The following EPHA3 variants were observed in gnomAD, a reference collection of about 807,000 sequenced individuals.
The protein encoded by EPHA3 is ephrin type-A receptor 3.
Under a neutral mutation model 107.1 loss-of-function variants are expected in EPHA3, and 42 were observed. The observed-to-expected ratio is 0.39, with a 90% CI of 0.31 to 0.51. The LOEUF (loss-of-function observed/expected upper bound fraction) is 0.51. Ranked by LOEUF, EPHA3 falls within the 20% of genes least tolerant of loss-of-function variation. The pLI, the probability that EPHA3 is intolerant of heterozygous loss-of-function variation, is 0.78. For missense variants in EPHA3, 1,183 were observed against 1,211.2 expected (o/e 0.98, Z 0.35); for synonymous variants, 461 against 424.8 (o/e 1.09, Z -1.05).
intron 2 of EPHA3, among the ~76,000 whole-genome samples, chr3:89,171,530 T>C (rs1464269760): frequency 6.6e-6 from 1 of 152,194 alleles, no homozygotes; most frequent in African/African-American, 2.4e-5. Flanking sequence ...TTTTACAAAC[T>C]CTTCTCACAT....
chr3:89,203,491 C>T (rs887312549), intron 2 of EPHA3, among the ~76,000 whole-genome samples: 1 of 151,808 alleles, frequency 6.6e-6, no homozygotes, highest in Admixed American at 6.6e-5. Context: ...CTTAAAGCTC[C>T]GGCTGGGCGC....
chr3:89,331,172 T>A (rs2107398019), intron 3 of EPHA3, among the ~76,000 whole-genome samples: 1 of 152,306 alleles, frequency 6.6e-6, no homozygotes, highest in South Asian at 2.1e-4. Context: ...CACCCAAACC[T>A]CAAATTATAC....
intron 5 of EPHA3, among the ~76,000 whole-genome samples, chr3:89,350,350 A>T (rs527775628): frequency 1.5e-4 from 21 of 144,198 alleles, no homozygotes; most frequent in African/African-American, 5.3e-4. Flanking sequence ...TTCCCTTCTC[A>T]CTTCATTTCA....
chr3:89,399,335 T>G lies in EPHA3; in HGVS notation c.1449T>G (p.Ser483Arg), dbSNP rs2107508017. Residue 483 changes from serine to arginine, a missense_variant, in exon 7 of 17, where the codon AGT (serine) becomes AGG (arginine). By Grantham distance (110) the Ser-to-Arg change is moderately radical. Coordinates refer to ENST00000336596, the MANE Select transcript of EPHA3 (RefSeq NM_005233.6). ...KYYEKQEQET[S>R]YTILRARGTN... ...CCTCAAAGCAGGAACAAGAAACAAG[T>G]TATACCATTCTGAGGGCAAGAGGCA... The G allele has an allele frequency of 6.2e-7, 1 of 1,610,596 alleles. No individual in the cohort carries two copies. The highest frequency in any genetic ancestry group is 8.5e-7 in the Non-Finnish European group (1 of 1,177,592).
intron 16 of EPHA3, among the ~76,000 whole-genome samples, chr3:89,474,828 C>T (rs1710474182): frequency 1.3e-5 from 2 of 152,144 alleles, no homozygotes; most frequent in Non-Finnish European, 2.9e-5. Flanking sequence ...ACGTCAAACT[C>T]TTTTTGGCTG....
intron 6 of EPHA3, among the ~76,000 whole-genome samples, chr3:89,397,843 A>G (rs984991754): frequency 1.3e-5 from 2 of 152,192 alleles, no homozygotes; most frequent in Non-Finnish European, 2.9e-5. Context: ...TGGGCCTCCC[A>G]AAGTGCTGGG....
rs1704618728 is a variant in EPHA3, at chr3:89,148,526, T to G, written c.153+21253T>G. Among the ~76,000 whole-genome samples the G allele has an allele frequency of 2.6e-5, 4 of 152,144 alleles. No homozygotes were observed. In the South Asian group the frequency reaches 8.3e-4, roughly 31 times the overall value. On this transcript the variant is annotated intron_variant, in intron 2 of 16. Transcript: ENST00000336596. ...TCTTTCATGAAACAGACATCCAAAC[T>G]GAAATTAAATTTAGTTTTCTCTAGG... is the stretch of plus-strand genomic sequence containing the variant.
intron 3 of EPHA3, among the ~76,000 whole-genome samples, chr3:89,299,376 G>A (rs1253646001): frequency 1.3e-5 from 2 of 151,790 alleles, no homozygotes; most frequent in South Asian, 2.1e-4. Context: ...ATGAGAATAT[G>A]GGAAATTTTT....
intron 9 of EPHA3, among the ~76,000 whole-genome samples, chr3:89,412,243 C>A: frequency 6.6e-6 from 1 of 151,460 alleles, no homozygotes; most frequent in Non-Finnish European, 1.5e-5. Context: ...AATATTAAAT[C>A]AAATTAAAAT....
At chr3:89,398,257 T>C (rs1483368220) in intron 6 of EPHA3, among the ~76,000 whole-genome samples, 1 of 152,184 alleles carries the variant, frequency 6.6e-6, no homozygotes, top group African/African-American at 2.4e-5. Flanking sequence ...GCAGGGACAT[T>C]GTACCATTGC....
intron 3 of EPHA3, among the ~76,000 whole-genome samples, chr3:89,215,653 C>CT (rs1704206147): frequency 6.6e-6 from 1 of 151,844 alleles, no homozygotes; most frequent in African/African-American, 2.4e-5. Flanking sequence ...CAATGAACCA[C>CT]TATAACAGGC....
intron 3 of EPHA3, among the ~76,000 whole-genome samples, chr3:89,307,215 G>A (rs1039490157): frequency 6.6e-6 from 1 of 152,076 alleles, no homozygotes; most frequent in Admixed American, 6.6e-5. Flanking sequence ...GCCTAAAATT[G>A]TCTTGAATGT....
chr3:89,444,404 A>G (rs1269574235), intron 13 of EPHA3, among the ~76,000 whole-genome samples: 1 of 151,894 alleles, frequency 6.6e-6, no homozygotes, highest in Non-Finnish European at 1.5e-5. Context: ...TTCAAATTAA[A>G]TGTGTACAAT....
At position 89,120,913 on chromosome 3, in the gene EPHA3, T is replaced by C. The variant is rs575379351; in HGVS notation, c.89-6296T>C. On this transcript the variant is annotated intron_variant, in intron 1 of 16. Transcript: ENST00000336596. ...AAAATACCACCTGACCAAAGGTTTT[T>C]CATAGCAATGTTTAACATGGCAGCA... 2.9e-4 allele frequency among the ~76,000 whole-genome samples: 44 copies of C among 152,342 alleles called. 1 individual carries two copies. Among genetic ancestry groups the C allele is most frequent in the South Asian group, 4.1e-4 (2 of 4,826 alleles).
chr3:89,269,593 A>AT (rs1187508074), intron 3 of EPHA3, among the ~76,000 whole-genome samples: 2 of 148,990 alleles, frequency 1.3e-5, no homozygotes, highest in African/African-American at 4.9e-5. Flanking sequence ...AGTGACAACA[A>AT]TTTTTTTTTC....
chr3:89,459,845 T>G (rs1163286392), intron 15 of EPHA3, among the ~76,000 whole-genome samples: 1 of 152,194 alleles, frequency 6.6e-6, no homozygotes, highest in Non-Finnish European at 1.5e-5. Context: ...TTTTAAAGAT[T>G]GTTCTTGATA....
chr3:89,118,357 A>T (rs747015288), intron 1 of EPHA3, among the ~76,000 whole-genome samples: 1 of 151,924 alleles, frequency 6.6e-6, no homozygotes, highest in Non-Finnish European at 1.5e-5. Context: ...GCATAAAGAA[A>T]ATTTTTCTTA....
intron 11 of EPHA3, among the ~76,000 whole-genome samples, chr3:89,422,576 A>G (rs1234255386): frequency 6.6e-6 from 1 of 151,370 alleles, no homozygotes; most frequent in African/African-American, 2.4e-5. Flanking sequence ...TACTATTTTT[A>G]GATACTAAAG....
intron 3 of EPHA3, among the ~76,000 whole-genome samples, chr3:89,219,688 G>GTGTTTTTTTTTGTTTGTTTT: frequency 2.9e-5 from 1 of 34,440 alleles, no homozygotes; most frequent in African/African-American, 1.2e-4. Flanking sequence ...ATTTGGCAAT[G>GTGTTTTTTTTTGTTTGTTTT]TTTTTTTTTT....
Sources: gnomAD v4.1 joint callset for allele counts (sites outside exome capture counted in the v4.1 genomes callset) on GRCh38, gnomAD v4.1.1 for gene constraint, MANE v1.5 for transcripts, NCBI Gene and HGNC (gene_info 2026-07-23, HGNC 2026-07-21) for gene names.